Variants in DAB1 observed in about 807,000 individuals in gnomAD.
DAB1 encodes the protein disabled homolog 1.
A neutral mutation model predicts 64.6 loss-of-function variants in DAB1; 15 were observed. The ratio of observed to expected loss-of-function variants is 0.23; its 90% CI spans 0.16 to 0.36. The LOEUF (loss-of-function observed/expected upper bound fraction) is 0.36, where lower values mean the gene tolerates loss of function less well. Ranked by LOEUF, DAB1 falls within the 10% of genes least tolerant of loss-of-function variation. The pLI is 1.00. For missense variants in DAB1, 596 were observed against 706.7 expected (o/e 0.84, Z 1.78); for synonymous variants, 235 against 251.9 (o/e 0.93, Z 0.64).
chr1:57,457,171 C>CTCTG (rs1686627048), intron 7 of DAB1, among the ~76,000 whole-genome samples: 2 of 152,100 alleles, frequency 1.3e-5, no homozygotes, highest in Non-Finnish European at 2.9e-5. Context: ...GTATCAGAGA[C>CTCTG]CCTTCTGCCT....
intron 2 of DAB1, among the ~76,000 whole-genome samples, chr1:57,210,717 G>A (rs986338192): frequency 6.6e-6 from 1 of 152,158 alleles, no homozygotes; most frequent in Non-Finnish European, 1.5e-5. Flanking sequence ...AGTTGCAATC[G>A]AGTTCATTTG....
intron 1 of DAB1, among the ~76,000 whole-genome samples, chr1:57,299,978 C>T (rs1052321010): frequency 2.6e-5 from 4 of 152,172 alleles, no homozygotes; most frequent in African/African-American, 9.7e-5. Context: ...CCCACCTCCC[C>T]TTCTCTCCTC....
intron 5 of DAB1, among the ~76,000 whole-genome samples, chr1:58,060,845 G>T (rs1648455025): frequency 6.6e-6 from 1 of 152,240 alleles, no homozygotes; most frequent in East Asian, 1.9e-4. Context: ...TTCCTGCCAT[G>T]ACATCACATT....
chr1:57,017,454 T>C (rs1247414532), intron 11 of DAB1, among the ~76,000 whole-genome samples: 1 of 152,072 alleles, frequency 6.6e-6, no homozygotes, highest in Non-Finnish European at 1.5e-5. Flanking sequence ...CAATGCAGGG[T>C]GCCTCACTCC....
intron 3 of DAB1, among the ~76,000 whole-genome samples, chr1:58,430,278 TGGTATA>T (rs1377789696): frequency 6.6e-6 from 1 of 152,238 alleles, no homozygotes; most frequent in African/African-American, 2.4e-5. Flanking sequence ...TGCAGGGCAC[TGGTATA>T]GTTACTCAAT....
At chr1:57,926,127 G>C (rs1351730185) in intron 5 of DAB1, among the ~76,000 whole-genome samples, 4 of 152,166 alleles carry the variant, frequency 2.6e-5, no homozygotes, top group Admixed American at 6.5e-5. Context: ...CTATATGATT[G>C]ACGGCCTGGG....
intron 4 of DAB1, among the ~76,000 whole-genome samples, chr1:58,296,257 GAAA>G (rs1661989869): frequency 1.4e-5 from 2 of 138,870 alleles, no homozygotes; most frequent in Admixed American, 1.4e-4. Flanking sequence ...AAGAAAGAAA[GAAA>G]GAAAAGTGAG....
At chr1:57,591,123 C>T (rs1261736288) in intron 7 of DAB1, among the ~76,000 whole-genome samples, 4 of 152,182 alleles carry the variant, frequency 2.6e-5, no homozygotes, top group East Asian at 1.9e-4. Context: ...AATGCAGCGA[C>T]TCTCAGGGAA....
intron 1 of DAB1, among the ~76,000 whole-genome samples, chr1:57,844,195 A>C (rs982037234): frequency 6.6e-6 from 1 of 152,242 alleles, no homozygotes; most frequent in African/African-American, 2.4e-5. Flanking sequence ...TCAGACCAGC[A>C]TTCATACTTT....
chr1:58,384,380 A>T (rs1022951353), intron 3 of DAB1, among the ~76,000 whole-genome samples: 1 of 152,156 alleles, frequency 6.6e-6, no homozygotes, highest in Non-Finnish European at 1.5e-5. Context: ...GGGGATGAGG[A>T]GTTGTTGTTT....
intron 3 of DAB1, among the ~76,000 whole-genome samples, chr1:58,362,038 T>C (rs1644172612): frequency 6.6e-6 from 1 of 152,062 alleles, no homozygotes; most frequent in Non-Finnish European, 1.5e-5. Flanking sequence ...ATAATTTTTG[T>C]ATTTTTAGTA....
chr1:57,594,900 C>T (rs1467328055), intron 7 of DAB1, among the ~76,000 whole-genome samples: 1 of 151,860 alleles, frequency 6.6e-6, no homozygotes, highest in South Asian at 2.1e-4. Context: ...GTAGTAGAGA[C>T]GGGGTTTCAC....
chr1:57,512,366 C>A (rs1644415536), intron 7 of DAB1, among the ~76,000 whole-genome samples: 1 of 152,028 alleles, frequency 6.6e-6, no homozygotes. Context: ...TGTCTGAACA[C>A]TTTATAAACC....
intron 4 of DAB1, among the ~76,000 whole-genome samples, chr1:58,188,418 G>A (rs540465544): frequency 6.6e-6 from 1 of 152,298 alleles, no homozygotes; most frequent in South Asian, 2.1e-4. Context: ...CTATTAATGA[G>A]CATTCTCCCC....
intron 4 of DAB1, among the ~76,000 whole-genome samples, chr1:58,261,984 G>A (rs923390194): frequency 1.7e-4 from 26 of 152,304 alleles, no homozygotes; most frequent in Admixed American, 1.7e-3. Flanking sequence ...AAACATCCAA[G>A]CAACGGAGTC....
chr1:58,332,414 T>C (rs1377445320), intron 4 of DAB1, among the ~76,000 whole-genome samples: 2 of 152,168 alleles, frequency 1.3e-5, no homozygotes, highest in Non-Finnish European at 2.9e-5. Context: ...CTTGGAGATG[T>C]TGGAGTTTGG....
intron 3 of DAB1, among the ~76,000 whole-genome samples, chr1:58,361,771 G>A (rs1644169250): frequency 6.6e-6 from 1 of 151,120 alleles, no homozygotes; most frequent in South Asian, 2.1e-4. Context: ...AGTCTTACCT[G>A]CCTTCTCTGC....
chr1:57,583,987 G>A (rs937586702), intron 7 of DAB1, among the ~76,000 whole-genome samples: 23 of 152,174 alleles, frequency 1.5e-4, no homozygotes, highest in African/African-American at 5.6e-4. Context: ...GAAGGACTCC[G>A]TACTTCTCTA....
chr1:57,932,333 T>C (rs1030025852), intron 5 of DAB1, among the ~76,000 whole-genome samples: 1 of 152,212 alleles, frequency 6.6e-6, no homozygotes. Context: ...GTAGTCTATA[T>C]GCGTCAATTA....
Sources: allele counts gnomAD v4.1 joint callset (sites outside exome capture counted in the v4.1 genomes callset), GRCh38; gene constraint gnomAD v4.1.1; transcripts MANE v1.5; gene names NCBI Gene and HGNC (gene_info 2026-07-23, HGNC 2026-07-21).